Variants in FBN3 observed in about 807,000 individuals in gnomAD.
The protein encoded by FBN3 is fibrillin-3.
Under a neutral mutation model 330.1 loss-of-function variants are expected in FBN3, and 234 were observed. The observed-to-expected ratio is 0.71, with a 90% confidence interval of 0.64 to 0.79. FBN3 has a LOEUF of 0.79. Ranked by LOEUF, FBN3 falls within the 30% of genes least tolerant of loss-of-function variation. FBN3 has a pLI of 0.00. For missense variants in FBN3, 3,606 were observed against 3,886.9 expected, an observed-to-expected ratio of 0.93 and a Z score of 1.92; for synonymous variants, 1,458 against 1,517.3, an observed-to-expected ratio of 0.96 and a Z score of 0.91.
chr19:8,109,511 G>A lies in FBN3; in HGVS notation c.4456+120C>T, dbSNP rs1718523609. The stretch of plus-strand genomic sequence containing the variant: ...CCACTCTTGCAGGAGACCAGCAGAT[G>A]TCCCGTTTGTCAGGAGCAGGTAGAT... On this transcript the variant is annotated intron_variant, in intron 35 of 63. Coordinates refer to ENST00000600128, the MANE Select transcript of FBN3 (RefSeq NM_032447.5). The surrounding 1 kb of genome is among the most constrained non-coding windows in gnomAD (Gnocchi z 5.2). The A allele has an allele frequency of 6.5e-7, 1 of 1,531,868 alleles. No homozygotes were observed. Among genetic ancestry groups the A allele is most frequent in the Admixed American group, 1.8e-5 (1 of 56,532 alleles). 94.9% of individuals were successfully genotyped at this position (1,531,868 alleles called of 1,614,324 possible). A position where few individuals can be genotyped will look rare whatever the true frequency, so the allele number is the denominator to read the frequency against.
At position 8,123,512 on chromosome 19, in the gene FBN3, C is replaced by T. The variant is rs778218614; in HGVS notation, c.3034G>A (p.Ala1012Thr). 37 of 1,614,054 alleles carry T rather than the reference C, an allele frequency of 2.3e-5. No individual in the cohort carries two copies. Among genetic ancestry groups the T allele is most frequent in the Middle Eastern group, 1.6e-4 (1 of 6,084 alleles). Residue 1012 changes from alanine to threonine, a missense_variant, in exon 24 of 64, where the codon GCC (alanine) becomes ACC (threonine). Ala to Thr is a moderately conservative substitution (Grantham distance 58). Coordinates refer to ENST00000600128, the MANE Select transcript of FBN3 (RefSeq NM_032447.5). ...CRNTVGSFHC[A>T]CAGGFALDAQ... is the part of the protein sequence containing the mutation. ...TCCAGGGCGAAGCCCCCCGCACAGG[C>T]GCAGTGGAAGCTGCCCACCGTGTTT...
intron 10 of FBN3, among the ~76,000 whole-genome samples, chr19:8,137,374 T>C (rs547003872): frequency 2.6e-5 from 4 of 151,438 alleles, no homozygotes; most frequent in Non-Finnish European, 5.9e-5. Context: ...GGAGCCTAGA[T>C]CCCTCCAACC....
intron 13 of FBN3, among the ~76,000 whole-genome samples, chr19:8,135,107 T>C (rs895538516): frequency 6.7e-6 from 1 of 150,080 alleles, no homozygotes; most frequent in East Asian, 2.0e-4. Context: ...GCCTCCTGAG[T>C]AGCTGGGACT....
intron 38 of FBN3, 94 bp from the exon 39 acceptor site, chr19:8,103,781 C>T: frequency 8.0e-7 from 1 of 1,255,246 alleles, no homozygotes; most frequent in Non-Finnish European, 1.1e-6. Flanking sequence ...GCCACTTCAC[C>T]AGGGACCTAA....
At chr19:8,110,426 G>A (rs1044404223) in intron 34 of FBN3, among the ~76,000 whole-genome samples, 2 of 152,116 alleles carry the variant, frequency 1.3e-5, no homozygotes, top group Non-Finnish European at 2.9e-5. Context: ...GTCAAATCCG[G>A]TCCACCACCT....
intron 8 of FBN3, among the ~76,000 whole-genome samples, chr19:8,140,550 A>C (rs890630723): frequency 6.6e-6 from 1 of 152,206 alleles, no homozygotes; most frequent in African/African-American, 2.4e-5. Flanking sequence ...CCTGGTGTCC[A>C]TGAATGTGTA....
At chr19:8,146,276 T>A in intron 3 of FBN3, 51 bp from the exon 4 acceptor site, 1 of 1,475,742 alleles carries the variant, frequency 6.8e-7, no homozygotes, top group African/African-American at 1.4e-5. Flanking sequence ...GCCTGGGCCG[T>A]CCCTGCTCCA....
rs2145000847 is a variant in FBN3, at chr19:8,135,999, GC to G, written c.1552del (p.Ala518GlnfsTer66). On this transcript the variant is annotated frameshift_variant, in exon 13 of 64. Coordinates refer to ENST00000600128, the MANE Select transcript of FBN3 (RefSeq NM_032447.5). LOFTEE classifies it high-confidence loss of function. ...TEGSFQCVCNAGFELSPDGKN... is the reference protein window; with the variant it reads ...TEGSFQCVCNXGFELSPDGKN... ...GCCGTCAGGGCTGAGCTCGAAGCCT[GC>G]ATTGCAGACACACTGGAAGCTGCCC... 2 of 1,420,236 alleles carry G rather than the reference GC, an allele frequency of 1.4e-6. No individual in the cohort carries two copies. The highest frequency in any genetic ancestry group is 2.1e-5 in the Admixed American group (1 of 48,198). The allele number at this position is 1,420,236 out of a possible 1,614,324, so 88.0% of individuals were successfully genotyped here.
chr19:8,104,058 A>G (rs1399976706), intron 38 of FBN3, among the ~76,000 whole-genome samples: 1 of 151,442 alleles, frequency 6.6e-6, no homozygotes, highest in Non-Finnish European at 1.5e-5. Context: ...CCAGGAGGTT[A>G]AGGTTGCAGT....
rs1164919085 is a variant in FBN3 at position 8,109,978 on chromosome 19, CAG to C, written c.4334-227_4334-226del. Among the ~76,000 whole-genome samples, 1 of 152,204 alleles carries C rather than the reference CAG, an allele frequency of 6.6e-6. No individual in the cohort carries two copies. Among genetic ancestry groups the C allele is most frequent in the Non-Finnish European group, 1.5e-5 (1 of 68,044 alleles). ...CCCTCTCCTGCTCTGTTCTGCCTGG[CAG>C]AGTTTTGTTCATTGAACTCTACCTG... On this transcript the variant is annotated intron_variant, in intron 34 of 63. Coordinates refer to ENST00000600128, the MANE Select transcript of FBN3 (RefSeq NM_032447.5). This position sits in a 1 kb window ranked among gnomAD's most constrained non-coding sequence, Gnocchi z 5.2.
chr19:8,121,253 C>G lies in FBN3; in HGVS notation c.3211+5G>C. 6.3e-7 allele frequency: 1 copy of G among 1,595,120 alleles called. No homozygotes were observed. The highest frequency in any genetic ancestry group is 8.6e-7 in the Non-Finnish European group (1 of 1,169,154). ...CCACCACACCCCTGCCCGGCAGTCA[C>G]CGACCCATGCAGTTCTTCATCAGCA... On this transcript the variant is annotated splice_donor_5th_base_variant and intron_variant, in intron 25 of 63. Transcript: ENST00000600128. This position sits in a 1 kb window ranked among gnomAD's most constrained non-coding sequence, Gnocchi z 4.5.
intron 14 of FBN3, among the ~76,000 whole-genome samples, chr19:8,132,221 A>C (rs772655033): frequency 1.3e-5 from 2 of 151,616 alleles, no homozygotes; most frequent in Non-Finnish European, 2.9e-5. Context: ...AATTTTTAAA[A>C]ATTTTTTATA....
chr19:8,116,751 C>T lies in FBN3; in HGVS notation c.3635G>A (p.Cys1212Tyr). 6.2e-7 allele frequency: 1 copy of T among 1,614,086 alleles called. No individual in the cohort carries two copies. Among genetic ancestry groups the T allele is most frequent in the Non-Finnish European group, 8.5e-7 (1 of 1,179,972 alleles). Reference sequence around the variant, plus strand: ...GCGGTGACCCCCTGGCATGTTGGTGCAGTGGCCTTGGTCACAAACGCGGGG... The same window carrying T: ...GCGGTGACCCCCTGGCATGTTGGTGTAGTGGCCTTGGTCACAAACGCGGGG... The part of the protein sequence containing the change: ...ENPRVCDQGH[C>Y]TNMPGGHRCL... The change falls in exon 29 of 64, where the codon TGC becomes TAC. Residue 1212 changes from cysteine (C) to tyrosine (Y), a missense_variant. Physicochemically the swap from Cys to Tyr is radical, Grantham distance 194 (BLOSUM62 -2). Coordinates refer to ENST00000600128, the MANE Select transcript of FBN3 (RefSeq NM_032447.5).
At chr19:8,088,729 G>C (rs566932535) in intron 51 of FBN3, among the ~76,000 whole-genome samples, 1 of 152,210 alleles carries the variant, frequency 6.6e-6, no homozygotes, top group African/African-American at 2.4e-5. Flanking sequence ...ATGAATGAAT[G>C]AGCAAAGGAA....
chr19:8,097,270 G>A lies in FBN3; in HGVS notation c.5287+19C>T, dbSNP rs774933609. Reference sequence around the variant, plus strand: ...CATCCCACCCAGGCCCCAGGGCTGGGAACAGGGAGAGGTGGCACCTTCACA... The same window carrying A: ...CATCCCACCCAGGCCCCAGGGCTGGAAACAGGGAGAGGTGGCACCTTCACA... On this transcript the variant is annotated intron_variant, in intron 42 of 63. Transcript: ENST00000600128. 14 of 1,597,896 alleles carry A rather than the reference G, an allele frequency of 8.8e-6. No individual in the cohort carries two copies. Among genetic ancestry groups the A allele is most frequent in the South Asian group, 3.3e-5 (3 of 90,074 alleles).
chr19:8,066,167 G>T lies in FBN3; in HGVS notation c.8182C>A (p.Pro2728Thr), dbSNP rs374699801. The change falls in exon 64 of 64, where the codon CCG (proline) becomes ACG (threonine). Residue 2728 changes from proline (P) to threonine (T), a missense_variant. Pro to Thr is a conservative substitution (Grantham distance 38). Transcript: ENST00000600128. ...GRAERILELRPALEGLEGRIR... is the reference protein window; with the variant it reads ...GRAERILELRTALEGLEGRIR... ...CGGCCCTCTAGACCCTCCAGGGCCG[G>T]CCGGAGCTCCAGGATGCGCTCGGCC... 2.9e-5 allele frequency: 46 copies of T among 1,612,942 alleles called. No individual in the cohort carries two copies. Among genetic ancestry groups the T allele is most frequent in the Non-Finnish European group, 3.5e-5 (41 of 1,179,690 alleles).
At chr19:8,137,270 A>G (rs1260084719) in intron 10 of FBN3, among the ~76,000 whole-genome samples, 1 of 148,614 alleles carries the variant, frequency 6.7e-6, no homozygotes, top group African/African-American at 2.5e-5. Context: ...GATCCCTCCA[A>G]CCTGGGACCT....
chr19:8,111,624 G>GCCCCC, intron 32 of FBN3, 24 bp downstream of exon 32: 1 of 1,453,550 alleles, frequency 6.9e-7, no homozygotes, highest in Non-Finnish European at 9.4e-7. Flanking sequence ...TAGGGCCCCT[G>GCCCCC]CCCTCCCACC....
chr19:8,118,830 C>T (rs2082771195), intron 26 of FBN3, 67 bp downstream of exon 26: 1 of 1,561,972 alleles, frequency 6.4e-7, no homozygotes, highest in Non-Finnish European at 8.8e-7. Flanking sequence ...CCACATTCAC[C>T]AGACATCCAC....
Sources: gnomAD v4.1 joint callset for allele counts (sites outside exome capture counted in the v4.1 genomes callset) on GRCh38, gnomAD v4.1.1 for gene constraint, Gnocchi (gnomAD v3.1) non-coding constraint, MANE v1.5 for transcripts, NCBI Gene and HGNC (gene_info 2026-07-23, HGNC 2026-07-21) for gene names.